The following MTTP variants were observed in gnomAD, a reference collection of about 807,000 sequenced individuals.
MTTP encodes the protein microsomal triglyceride transfer protein large subunit.
A neutral mutation model predicts 90.6 loss-of-function variants in MTTP; 49 were observed. The ratio of observed to expected loss-of-function variants is 0.54; its 90% CI spans 0.43 to 0.69. The LOEUF is 0.69. Among genes scored for constraint, MTTP ranks in the 30% least tolerant of loss-of-function variants. MTTP has a pLI of 0.00. For missense variants in MTTP, 945 were observed against 1,067.5 expected (o/e 0.89, Z 1.60); for synonymous variants, 347 against 384.2 (o/e 0.90, Z 1.13).
chr4:99,571,897 T>C (rs528271814), upstream of MTTP, among the ~76,000 whole-genome samples: 69 of 152,066 alleles, frequency 4.5e-4, no homozygotes, highest in Non-Finnish European at 7.5e-4. Flanking sequence ...TCTAAATTTT[T>C]TTTTCATTAA....
At chr4:99,567,127 A>C (rs183583869) in intron 1 of MTTP, among the ~76,000 whole-genome samples, 7 of 152,332 alleles carry the variant, frequency 4.6e-5, no homozygotes, top group Admixed American at 2.0e-4. Flanking sequence ...CAGAAAAAAA[A>C]CTTTAAAATG....
rs994697147 is a variant in MTTP, at chr4:99,583,375, T to C, written c.251T>C (p.Met84Thr). ...GDDDQLIQIT[M>T]KDVNVENVNQ... ...ACAGCTTTCTTTCTGTTACTCCAGA[T>C]GAAGGATGTAAATGTTGAAAATGTG... The change falls in exon 3 of 18, where the codon ATG becomes ACG. Residue 84 changes from methionine to threonine, a missense_variant and splice_region_variant. Physicochemically the swap from Met to Thr is moderately conservative, Grantham distance 81. Coordinates refer to ENST00000265517, the MANE Select transcript of MTTP (RefSeq NM_001386140.1). The C allele has an allele frequency of 6.2e-7, 1 of 1,612,910 alleles. No individual in the cohort carries two copies. The highest frequency in any genetic ancestry group is 1.3e-5 in the African/African-American group (1 of 74,944).
intron 13 of MTTP, 37 bp downstream of exon 13, chr4:99,611,277 C>G (rs993819867): frequency 6.2e-7 from 1 of 1,613,764 alleles, no homozygotes; most frequent in South Asian, 1.1e-5. Flanking sequence ...TTCCATACCC[C>G]ACAACTTAGC....
At chr4:99,611,999 C>A (rs535229152) in intron 14 of MTTP, among the ~76,000 whole-genome samples, 3 of 152,170 alleles carry the variant, frequency 2.0e-5, no homozygotes, top group Non-Finnish European at 4.4e-5. Flanking sequence ...TGACTTCCAT[C>A]CCTTTAGTGT....
At chr4:99,601,296 T>C (rs1324678324) in intron 9 of MTTP, among the ~76,000 whole-genome samples, 2 of 150,270 alleles carry the variant, frequency 1.3e-5, no homozygotes, top group African/African-American at 4.9e-5. Flanking sequence ...TACTCATACA[T>C]AAAATTTTAT....
At chr4:99,574,725 A>ATAG, upstream of MTTP, 1 of 1,352,860 alleles carries the variant, frequency 7.4e-7, no homozygotes, top group South Asian at 1.2e-5. Context: ...TTAATCATTA[A>ATAG]TAGTGAGCCC....
intron 7 of MTTP, chr4:99,595,684 G>T (rs1442961464): frequency 6.6e-6 from 1 of 151,632 alleles, no homozygotes; most frequent in Non-Finnish European, 1.5e-5. Context: ...TTCTGAAATT[G>T]AGTTAGAGGA....
rs1013109319 is a variant in MTTP at position 99,608,914 on chromosome 4, A to G, written c.1706A>G (p.Gln569Arg). The change falls in exon 12 of 18, where the codon CAA becomes CGA. Residue 569 changes from glutamine (Q) to arginine (R), a missense_variant. Gln to Arg is a conservative substitution (Grantham distance 43, BLOSUM62 1). Transcript: ENST00000265517. ...CTGCTGTCTATTGGGGAGCTTCCCC[A>G]AGAAATGAATAAATACATGCTCGCC... ...NILLSIGELPQEMNKYMLAIV... is the reference protein window; with the variant it reads ...NILLSIGELPREMNKYMLAIV... The G allele has an allele frequency of 1.2e-6, 2 of 1,614,206 alleles. No homozygotes were observed.
chr4:99,565,456 A>C (rs1414689874), intron 1 of MTTP, among the ~76,000 whole-genome samples: 1 of 152,242 alleles, frequency 6.6e-6, no homozygotes, highest in East Asian at 1.9e-4. Context: ...CAATTTAACA[A>C]AAAATTGAAA....
rs900724312 is a variant in MTTP, at chr4:99,606,775, C to A, written c.1372C>A (p.Leu458Met). 3.1e-6 allele frequency: 5 copies of A among 1,613,702 alleles called. No individual in the cohort carries two copies. The highest frequency in any genetic ancestry group is 4.2e-6 in the Non-Finnish European group (5 of 1,179,946). ...AGTAGTGGAAGCTAAGAAGTTAATC[C>A]TGGGAGGACTTGAAAAAGCAGAGAA... Reference protein sequence around the residue: ...KAVVEAKKLILGGLEKAEKKE... With the variant: ...KAVVEAKKLIMGGLEKAEKKE... The change falls in exon 11 of 18, where the codon CTG becomes ATG. Residue 458 changes from leucine (L) to methionine (M), a missense_variant. Coordinates refer to ENST00000265517, the MANE Select transcript of MTTP (RefSeq NM_001386140.1).
At chr4:99,587,104 T>C (rs1725276555) in intron 3 of MTTP, among the ~76,000 whole-genome samples, 1 of 152,204 alleles carries the variant, frequency 6.6e-6, no homozygotes, top group Non-Finnish European at 1.5e-5. Flanking sequence ...AATTTAAGAT[T>C]ATTGCTGTGA....
At chr4:99,604,209 G>GC (rs1725761324) in intron 10 of MTTP, among the ~76,000 whole-genome samples, 1 of 152,042 alleles carries the variant, frequency 6.6e-6, no homozygotes, top group Admixed American at 6.6e-5. Flanking sequence ...TAGCTACTGG[G>GC]CACACTATAT....
intron 11 of MTTP, among the ~76,000 whole-genome samples, chr4:99,607,556 C>G (rs960209956): frequency 2.6e-5 from 4 of 152,126 alleles, no homozygotes; most frequent in African/African-American, 9.7e-5. Flanking sequence ...ACTTGTTTAA[C>G]ATCTACATAT....
intron 11 of MTTP, 32 bp downstream of exon 11, chr4:99,606,992 C>CA: frequency 1.3e-6 from 2 of 1,531,710 alleles, no homozygotes; most frequent in Admixed American, 1.9e-5. Context: ...GCAACATTTA[C>CA]AGAAGAAAAA....
chr4:99,592,023 G>T (rs779201076), intron 6 of MTTP, among the ~76,000 whole-genome samples: 4 of 151,988 alleles, frequency 2.6e-5, no homozygotes, highest in Non-Finnish European at 5.9e-5. Flanking sequence ...TACATTATAT[G>T]GTATAGCCTA....
intron 9 of MTTP, 132 bp from the exon 10 acceptor site, chr4:99,601,475 G>A: frequency 1.4e-6 from 1 of 700,298 alleles, no homozygotes; most frequent in South Asian, 1.6e-5. Flanking sequence ...TGTCTCAAAA[G>A]CAAAATTCTG....
In MTTP at chr4:99,601,791, T is replaced by C. The variant is rs149920383; in HGVS notation, c.1344+77T>C. 3.9e-4 allele frequency: 434 copies of C among 1,104,580 alleles called. 2 individuals carry two copies. In the East Asian group the frequency reaches 9.4e-3, roughly 24 times the overall value. 68.4% of individuals were successfully genotyped at this position (1,104,580 alleles called of 1,614,324 possible). ...TTGATACTCACCATGCTGCCTACTA[T>C]TGGCACTCCTAATTCTCTTTACTCT... On this transcript the variant is annotated intron_variant, in intron 10 of 17. Transcript: ENST00000265517.
chr4:99,599,950 A>G (rs745343054), intron 8 of MTTP, among the ~76,000 whole-genome samples: 17 of 152,208 alleles, frequency 1.1e-4, no homozygotes, highest in Non-Finnish European at 7.4e-5. Flanking sequence ...TCAAAAAGCC[A>G]AAGATTTTTG....
rs1726274890 is a variant in MTTP at position 99,622,838 on chromosome 4, G to A, written c.2675G>A (p.Gly892Glu). The change falls in exon 18 of 18, where the codon GGA becomes GAA. Residue 892 changes from glycine (G) to glutamate (E), a missense_variant. Coordinates refer to ENST00000265517, the MANE Select transcript of MTTP (RefSeq NM_001386140.1). Reference protein sequence around the residue: ...FAPQPDSTSSGWF With the variant: ...FAPQPDSTSSEWF ...CCTCAGCCGGATAGTACTTCCAGCG[G>A]ATGGTTTTGAAACTGACCTGTGATA... is the stretch of plus-strand genomic sequence containing the variant. 2 of 1,613,988 alleles carry A rather than the reference G, an allele frequency of 1.2e-6. No individual in the cohort carries two copies. The highest frequency in any genetic ancestry group is 3.3e-5 in the Admixed American group (2 of 60,000).
Sources: allele counts gnomAD v4.1 joint callset (sites outside exome capture counted in the v4.1 genomes callset), GRCh38; gene constraint gnomAD v4.1.1; transcripts MANE v1.5; gene names NCBI Gene and HGNC (gene_info 2026-07-23, HGNC 2026-07-21).